The following ADAM32 variants were observed in gnomAD, a reference collection of about 807,000 sequenced individuals.
ADAM32 encodes disintegrin and metalloproteinase domain-containing protein 32.
A neutral mutation model predicts 114.9 loss-of-function variants in ADAM32; 89 were observed. The observed-to-expected ratio is 0.77, with a 90% CI of 0.65 to 0.92. ADAM32 has a LOEUF of 0.92. Among genes scored for constraint, ADAM32 ranks in the 40% least tolerant of loss-of-function variants. The probability of loss-of-function intolerance (pLI) is 0.00; values close to 1 mark genes in which losing one functional copy is unlikely to be tolerated. For missense variants in ADAM32, 870 were observed against 932.8 expected (o/e 0.93, Z 0.88); for synonymous variants, 285 against 307.5 (o/e 0.93, Z 0.77).
chr8:39,279,578 G>A (rs939556211), intron 22 of ADAM32, among the ~76,000 whole-genome samples: 6 of 152,046 alleles, frequency 3.9e-5, no homozygotes, highest in East Asian at 1.9e-4. Flanking sequence ...CACCATGCCC[G>A]GACTAGCATC....
At chr8:39,123,195 G>T (rs545933352) in intron 2 of ADAM32, among the ~76,000 whole-genome samples, 1 of 151,914 alleles carries the variant, frequency 6.6e-6, no homozygotes, top group East Asian at 1.9e-4. Context: ...TCATGTCTTT[G>T]CCATTTATCT....
At chr8:39,166,948 G>GATGTAT (rs1176127394) in intron 9 of ADAM32, 2 of 152,162 alleles carry the variant, frequency 1.3e-5, no homozygotes, top group African/African-American at 4.8e-5. Flanking sequence ...TCCTTTGTCA[G>GATGTAT]ATGTATAGAT....
intron 16 of ADAM32, among the ~76,000 whole-genome samples, chr8:39,234,744 T>G (rs1809991357): frequency 6.6e-6 from 1 of 152,188 alleles, no homozygotes; most frequent in Non-Finnish European, 1.5e-5. Context: ...AGCAAATAAA[T>G]TTAACATCTC....
At chr8:39,258,736 C>T (rs1427842384) in intron 19 of ADAM32, among the ~76,000 whole-genome samples, 1 of 151,814 alleles carries the variant, frequency 6.6e-6, no homozygotes, top group Non-Finnish European at 1.5e-5. Flanking sequence ...GGGTTTTTTT[C>T]CTGTCCGTTT....
chr8:39,129,795 C>A, intron 2 of ADAM32: 2 of 296,364 alleles, frequency 6.7e-6, no homozygotes, highest in Non-Finnish European at 1.4e-5. Context: ...TCATCTGCAC[C>A]TTGGCCTTTC....
At chr8:39,196,964 G>A (rs1294587381) in intron 11 of ADAM32, among the ~76,000 whole-genome samples, 1 of 151,984 alleles carries the variant, frequency 6.6e-6, no homozygotes, top group African/African-American at 2.4e-5. Context: ...GTAAAGTCAT[G>A]TGGTTATGGG....
In ADAM32 at chr8:39,182,601, T is replaced by C. The variant is rs1805976104; in HGVS notation, c.916-4308T>C. On this transcript the variant is annotated intron_variant, in intron 10 of 24. Coordinates refer to ENST00000379907, the MANE Select transcript of ADAM32 (RefSeq NM_145004.7). The stretch of plus-strand genomic sequence containing the variant: ...ATCATTAACTGTAGTTACCAAGCGG[T>C]ACAATAGAACTCCTGAATGTATTCT... Among the ~76,000 whole-genome samples the C allele has an allele frequency of 3.3e-5, 5 of 152,242 alleles. No individual in the cohort carries two copies. The South Asian group carries it at 1.0e-3, about 31-fold the overall frequency.
chr8:39,122,830 A>G (rs1277886015), intron 2 of ADAM32, among the ~76,000 whole-genome samples: 1 of 152,204 alleles, frequency 6.6e-6, no homozygotes, highest in African/African-American at 2.4e-5. Flanking sequence ...TGGCCTCCCA[A>G]AGTGTTGGGA....
rs191535619 is a variant in ADAM32 at position 39,192,058 on chromosome 8, T to C, written c.1052+5013T>C. Among the ~76,000 whole-genome samples the C allele has an allele frequency of 1.6e-4, 24 of 152,348 alleles. No homozygotes were observed. In the East Asian group the frequency reaches 2.9e-3, roughly 18 times the overall value. ...AGTTGGCTATTTATTATTGAATCAA[T>C]TCCAGAACTTGTTTTTGGTCCGTTC... On this transcript the variant is annotated intron_variant, in intron 11 of 24. Transcript: ENST00000379907.
At chr8:39,113,211 C>A (rs1400073353) in intron 1 of ADAM32, among the ~76,000 whole-genome samples, 4 of 152,144 alleles carry the variant, frequency 2.6e-5, no homozygotes, top group African/African-American at 9.7e-5. Context: ...GCCGTTCAGT[C>A]AAAAGACATG....
chr8:39,160,824 G>A, intron 6 of ADAM32, 73 bp from the exon 7 acceptor site: 3 of 1,295,600 alleles, frequency 2.3e-6, no homozygotes, highest in Non-Finnish European at 2.1e-6. Flanking sequence ...TGTGGTATTA[G>A]CTTTAAAGAA....
intron 23 of ADAM32, among the ~76,000 whole-genome samples, chr8:39,282,862 A>G (rs1406982146): frequency 6.6e-6 from 1 of 152,212 alleles, no homozygotes; most frequent in Non-Finnish European, 1.5e-5. Flanking sequence ...ATAACTAATT[A>G]TATTAAATAA....
intron 6 of ADAM32, 75 bp downstream of exon 6, chr8:39,151,623 A>G: frequency 6.5e-6 from 7 of 1,071,156 alleles, no homozygotes; most frequent in Non-Finnish European, 8.9e-6. Context: ...AAATAAATTT[A>G]TAAGCCCACT....
rs773214894 is a variant in ADAM32, at chr8:39,248,441, G to T, written c.1902+2275G>T. On this transcript the variant is annotated intron_variant, in intron 17 of 24. Coordinates refer to ENST00000379907, the MANE Select transcript of ADAM32 (RefSeq NM_145004.7). ...ATTTATACCAAGTACTTCATTTTTT[G>T]GGGGGGCTAATGCAAATAGTATTAT... Among the ~76,000 whole-genome samples, 233 of 151,698 alleles carry T rather than the reference G, an allele frequency of 1.5e-3. 1 individual carries two copies. The highest frequency in any genetic ancestry group is 2.9e-3 in the Non-Finnish European group (197 of 67,912).
chr8:39,207,161 C>G (rs1329820117), intron 11 of ADAM32, among the ~76,000 whole-genome samples: 1 of 152,090 alleles, frequency 6.6e-6, no homozygotes, highest in Non-Finnish European at 1.5e-5. Context: ...CTTCTCTGCT[C>G]CTCTGTCTTT....
At chr8:39,128,850 TC>T (rs1426938501) in intron 2 of ADAM32, among the ~76,000 whole-genome samples, 1 of 152,182 alleles carries the variant, frequency 6.6e-6, no homozygotes, top group Non-Finnish European at 1.5e-5. Context: ...GCCTCCAATA[TC>T]CCTTGACTGG....
chr8:39,144,400 G>GA (rs1260668885), intron 3 of ADAM32, among the ~76,000 whole-genome samples: 1 of 152,220 alleles, frequency 6.6e-6, no homozygotes, highest in Non-Finnish European at 1.5e-5. Context: ...TGATGTGGCA[G>GA]AAAAAAGATG....
intron 9 of ADAM32, chr8:39,168,012 G>A (rs1253380918): frequency 3.9e-5 from 6 of 152,178 alleles, no homozygotes; most frequent in Middle Eastern, 3.4e-3. Context: ...CCTCTTTACC[G>A]ATTTGGATGC....
At chr8:39,157,618 A>G (rs1255485940) in intron 6 of ADAM32, 2 of 534,844 alleles carry the variant, frequency 3.7e-6, no homozygotes, top group Admixed American at 2.1e-5. Context: ...GGAAGCGGCC[A>G]TGGCCAAATT....
Sources: allele counts gnomAD v4.1 joint callset (sites outside exome capture counted in the v4.1 genomes callset), GRCh38; gene constraint gnomAD v4.1.1; transcripts MANE v1.5; gene names NCBI Gene and HGNC (gene_info 2026-07-23, HGNC 2026-07-21).